The following MAP4 variants were observed in gnomAD, a reference collection of about 807,000 sequenced individuals.
The protein encoded by MAP4 is microtubule-associated protein 4.
Under a neutral mutation model 170.2 loss-of-function variants are expected in MAP4, and 76 were observed. The observed-to-expected ratio is 0.45, with a 90% CI of 0.37 to 0.54. The LOEUF (loss-of-function observed/expected upper bound fraction) is 0.54. MAP4 is among the 20% of genes least tolerant of loss of function. MAP4 has a pLI of 0.00. For missense variants in MAP4, 2,506 were observed against 2,748.0 expected (o/e 0.91, Z 1.97); for synonymous variants, 909 against 994.5 (o/e 0.91, Z 1.62).
In MAP4 at chr3:47,912,005, T is replaced by G. The variant is rs895100630; in HGVS notation, c.2416A>C (p.Thr806Pro). ...CTGGGGAGAACACCTGATTTTTGTG[T>G]GTCAGCTGCAAATGGATGACCTTTA... Reference protein sequence around the residue: ...KPKGHPFAADTQKSGVLPSQP... With the variant: ...KPKGHPFAADPQKSGVLPSQP... Residue 806 changes from threonine to proline, a missense_variant, in exon 9 of 21, where the codon ACA (threonine) becomes CCA (proline). By Grantham distance (38) the Thr-to-Pro change is conservative. Transcript: ENST00000683076. 4 of 1,536,018 alleles carry G rather than the reference T, an allele frequency of 2.6e-6. No homozygotes were observed. Among genetic ancestry groups the G allele is most frequent in the Non-Finnish European group, 3.5e-6 (4 of 1,146,912 alleles).
chr3:48,001,325 A>T (rs1181261932), intron 1 of MAP4, among the ~76,000 whole-genome samples: 1 of 152,200 alleles, frequency 6.6e-6, no homozygotes, highest in African/African-American at 2.4e-5. Context: ...CAAGATTTGG[A>T]AAGATATTAA....
chr3:48,042,182 T>G (rs1356333366), intron 1 of MAP4, among the ~76,000 whole-genome samples: 1 of 152,198 alleles, frequency 6.6e-6, no homozygotes, highest in African/African-American at 2.4e-5. Context: ...ACAACTGGCA[T>G]GTGAAGTGTG....
At chr3:47,981,678 T>C (rs766422357) in intron 2 of MAP4, among the ~76,000 whole-genome samples, 40 of 151,292 alleles carry the variant, frequency 2.6e-4, no homozygotes, top group South Asian at 6.3e-4. Context: ...AGCACAAGAA[T>C]AGCTTGAACC....
intron 11 of MAP4, chr3:47,877,189 T>C (rs2095617430): frequency 2.4e-6 from 1 of 424,210 alleles, no homozygotes; most frequent in South Asian, 2.5e-5. Flanking sequence ...TACAGAACAT[T>C]TTTTACAGAT....
chr3:47,924,437 A>G (rs1266003263), intron 4 of MAP4, among the ~76,000 whole-genome samples: 1 of 152,154 alleles, frequency 6.6e-6, no homozygotes, highest in Non-Finnish European at 1.5e-5. Flanking sequence ...TACTCATTAT[A>G]TAGTCTTTCC....
At chr3:47,862,999 G>A (rs1214836256) in intron 17 of MAP4, among the ~76,000 whole-genome samples, 2 of 148,932 alleles carry the variant, frequency 1.3e-5, no homozygotes, top group Admixed American at 1.3e-4. Context: ...TTTTTGAGAC[G>A]GAGTTTCGCT....
At chr3:48,054,566 G>A (rs1432702060) in intron 1 of MAP4, among the ~76,000 whole-genome samples, 2 of 145,160 alleles carry the variant, frequency 1.4e-5, no homozygotes, top group African/African-American at 5.1e-5. Flanking sequence ...AGAGGCAGAG[G>A]TTGCAGTGAG....
intron 3 of MAP4, among the ~76,000 whole-genome samples, chr3:47,948,147 G>A (rs925460488): frequency 2.6e-5 from 4 of 151,070 alleles, no homozygotes; most frequent in South Asian, 2.1e-4. Flanking sequence ...ACAGGTGCCC[G>A]CCACCACGCC....
At chr3:47,915,850 G>A in intron 7 of MAP4, 101 bp downstream of exon 7, 1 of 1,357,480 alleles carries the variant, frequency 7.4e-7, no homozygotes, top group Non-Finnish European at 1.0e-6. Flanking sequence ...GCAAAGTACA[G>A]TGTGACTGTC....
chr3:47,997,532 A>T (rs2100096639), intron 2 of MAP4, among the ~76,000 whole-genome samples: 1 of 151,874 alleles, frequency 6.6e-6, no homozygotes, highest in Non-Finnish European at 1.5e-5. Flanking sequence ...TCAAAACCTG[A>T]TTTAAGCTGT....
chr3:47,864,848 C>T (rs2076652309), intron 17 of MAP4, among the ~76,000 whole-genome samples: 3 of 152,184 alleles, frequency 2.0e-5, no homozygotes, highest in Non-Finnish European at 4.4e-5. Flanking sequence ...GGCTGGGCGA[C>T]AGAGCAAGAC....
At chr3:47,870,524 T>C (rs922286499) in intron 15 of MAP4, among the ~76,000 whole-genome samples, 1 of 152,214 alleles carries the variant, frequency 6.6e-6, no homozygotes, top group African/African-American at 2.4e-5. Flanking sequence ...CCTCTGTTTC[T>C]TCTACAAAAG....
At chr3:47,894,046 G>A (rs904000379) in intron 10 of MAP4, among the ~76,000 whole-genome samples, 1 of 151,542 alleles carries the variant, frequency 6.6e-6, no homozygotes, top group African/African-American at 2.4e-5. Context: ...CTACACTCAT[G>A]ATGATGAGTG....
chr3:47,917,063 T>A lies in MAP4; in HGVS notation c.764A>T (p.Glu255Val). ...LKTTDMAPSK[E>V]TEMALAKDMA... is the part of the protein sequence containing the mutation. ...GTCCTTGGCGAGGGCCATCTCTGTT[T>A]CTTTAGATGGTGCCATGTCAGTAGT... The change falls in exon 7 of 21, where the codon GAA becomes GTA. Residue 255 changes from glutamate (E) to valine (V), a missense_variant. This residue lies in a region of MAP4 where 2,008 missense variants were observed against 2,206.0 expected (regional missense o/e 0.91). Coordinates refer to ENST00000683076, the MANE Select transcript of MAP4 (RefSeq NM_001385682.1). The A allele has an allele frequency of 1.2e-6, 2 of 1,614,216 alleles. No homozygotes were observed. Among genetic ancestry groups the A allele is most frequent in the Non-Finnish European group, 1.7e-6 (2 of 1,180,032 alleles).
rs545219178 is a variant in MAP4, at chr3:47,987,522, G to C, written c.224-9589C>G. On this transcript the variant is annotated intron_variant, in intron 2 of 20. Coordinates refer to ENST00000683076, the MANE Select transcript of MAP4 (RefSeq NM_001385682.1). ...AAAGGATTTTAGAACAACAACTCTA[G>C]CAAAAGCTTTATATAACATCAACCT... 1,416 of 856,054 alleles carry C rather than the reference G, an allele frequency of 1.7e-3. 3 individuals are homozygous for C. Among genetic ancestry groups the C allele is most frequent in the South Asian group, 1.9e-3 (94 of 48,460 alleles). 53.0% of individuals were successfully genotyped at this position (856,054 alleles called of 1,614,324 possible). A position where few individuals can be genotyped will look rare whatever the true frequency, so the allele number is the denominator to read the frequency against.
At chr3:48,000,325 C>G (rs1406935553) in intron 1 of MAP4, among the ~76,000 whole-genome samples, 1 of 151,560 alleles carries the variant, frequency 6.6e-6, no homozygotes, top group Non-Finnish European at 1.5e-5. Flanking sequence ...AGGTACTACG[C>G]CTGCTTTCAA....
At position 47,911,706 on chromosome 3, in the gene MAP4, A is replaced by T; in HGVS notation, c.2715T>A (p.Pro905=). ...LLKQHEYKPQ[P]APHLKTPVDK... is the part of the protein sequence containing the mutation. ...CTACAGGAGTCTTCAGGTGGGGTGC[A>T]GGCTGTGGTTTGTATTCATGTTGCT... Residue 905 remains proline, a synonymous_variant, in exon 9 of 21, where the codon CCT becomes CCA. Transcript: ENST00000683076. The surrounding 1 kb of genome is among the most constrained non-coding windows in gnomAD (Gnocchi z 4.0). 6.5e-7 allele frequency: 1 copy of T among 1,536,096 alleles called. No homozygotes were observed. The highest frequency in any genetic ancestry group is 1.2e-5 in the South Asian group (1 of 84,062).
intron 3 of MAP4, among the ~76,000 whole-genome samples, chr3:47,945,849 C>A (rs963900223): frequency 6.6e-6 from 1 of 151,748 alleles, no homozygotes; most frequent in Non-Finnish European, 1.5e-5. Flanking sequence ...GTATCTGGGA[C>A]TACAGGCACA....
intron 2 of MAP4, among the ~76,000 whole-genome samples, chr3:47,978,439 T>A (rs1369993069): frequency 2.0e-5 from 3 of 152,118 alleles, no homozygotes; most frequent in African/African-American, 7.2e-5. Context: ...TGCCTCAGCC[T>A]CCCGAGTAGT....
Sources: gnomAD v4.1 joint callset for allele counts (sites outside exome capture counted in the v4.1 genomes callset) on GRCh38, gnomAD v4.1.1 for gene constraint, gnomAD v4.1.1 regional missense constraint, Gnocchi (gnomAD v3.1) non-coding constraint, MANE v1.5 for transcripts, NCBI Gene and HGNC (gene_info 2026-07-23, HGNC 2026-07-21) for gene names.